HSPA4: variants seen among roughly 807,000 people sequenced by gnomAD.
HSPA4 encodes the protein heat shock protein family A (Hsp70) member 4.
Under a neutral mutation model 106.2 loss-of-function variants are expected in HSPA4, and 25 were observed. That is an observed-to-expected ratio of 0.24 (90% CI 0.17 to 0.33). The LOEUF (loss-of-function observed/expected upper bound fraction) is 0.33. Ranked by LOEUF, HSPA4 falls within the 10% of genes least tolerant of loss-of-function variation. The pLI is 1.00. For missense variants in HSPA4, 841 were observed against 996.0 expected, an observed-to-expected ratio of 0.84 and a Z score of 2.10; for synonymous variants, 332 against 333.6, an observed-to-expected ratio of 1.00 and a Z score of 0.05.
At chr5:133,094,837 A>G (rs1029308779) in intron 13 of HSPA4, among the ~76,000 whole-genome samples, 3 of 152,232 alleles carry the variant, frequency 2.0e-5, no homozygotes, top group Non-Finnish European at 4.4e-5. Flanking sequence ...TTGCTTTATC[A>G]TAGAACAAAT....
chr5:133,072,938 G>A (rs1765403039), intron 4 of HSPA4, among the ~76,000 whole-genome samples: 1 of 152,154 alleles, frequency 6.6e-6, no homozygotes, highest in South Asian at 2.1e-4. Context: ...ATGCAAGCAG[G>A]TGTTTTCTAA....
At chr5:133,091,166 G>A (rs745487266) in intron 11 of HSPA4, 27 bp from the exon 12 acceptor site, 4 of 1,586,986 alleles carry the variant, frequency 2.5e-6, no homozygotes, top group Non-Finnish European at 3.5e-6. Flanking sequence ...TAGGTTATGT[G>A]TTCTTTTGTC....
intron 6 of HSPA4, among the ~76,000 whole-genome samples, chr5:133,075,838 GAAAAA>G (rs889636503): frequency 6.7e-6 from 1 of 148,204 alleles, no homozygotes; most frequent in East Asian, 2.2e-4. Context: ...TCAAAAAAAA[GAAAAA>G]AAAATAAAGA....
rs1432818311 is a variant in HSPA4, at chr5:133,052,039, C to T, written c.-212C>T. ...AGATCTTCTCCGCCCCCGCTACCGGCGCCTCCTCTGCGGCCACTGAGCCGG... is the reference window on the plus strand; with the variant it reads ...AGATCTTCTCCGCCCCCGCTACCGGTGCCTCCTCTGCGGCCACTGAGCCGG... On this transcript the variant is annotated 5_prime_UTR_variant, in exon 1 of 19. Transcript: ENST00000304858. 3.8e-6 allele frequency: 2 copies of T among 530,848 alleles called. No individual in the cohort carries two copies. Among genetic ancestry groups the T allele is most frequent in the Non-Finnish European group, 3.3e-6 (1 of 299,300 alleles). 32.9% of individuals were successfully genotyped at this position (530,848 alleles called of 1,614,324 possible).
chr5:133,103,955 A>T lies in HSPA4; in HGVS notation c.2248A>T (p.Asn750Tyr). ...EAMEWMNNKLNLQNKQSLTMD... is the reference protein window; with the variant it reads ...EAMEWMNNKLYLQNKQSLTMD... Reference sequence around the variant, plus strand: ...AATGGAGTGGATGAATAACAAGCTAAATCTGCAGAACAAGCAGAGTTTGAC... The same window carrying T: ...AATGGAGTGGATGAATAACAAGCTATATCTGCAGAACAAGCAGAGTTTGAC... Residue 750 changes from asparagine (N) to tyrosine (Y), a missense_variant, in exon 18 of 19, where the codon AAT becomes TAT. Coordinates refer to ENST00000304858, the MANE Select transcript of HSPA4 (RefSeq NM_002154.4). 1 of 1,614,086 alleles carries T rather than the reference A, an allele frequency of 6.2e-7. No homozygotes were observed. Among genetic ancestry groups the T allele is most frequent in the Non-Finnish European group, 8.5e-7 (1 of 1,179,960 alleles).
At chr5:133,060,652 G>C (rs867930591) in intron 1 of HSPA4, among the ~76,000 whole-genome samples, 12 of 151,808 alleles carry the variant, frequency 7.9e-5, no homozygotes, top group African/African-American at 2.9e-4. Context: ...CTGAGCCAGC[G>C]CGCCTGGTGC....
At chr5:133,095,647 TTAAA>T (rs1192247796) in intron 13 of HSPA4, among the ~76,000 whole-genome samples, 29 of 152,296 alleles carry the variant, frequency 1.9e-4, no homozygotes, top group African/African-American at 6.7e-4. Flanking sequence ...GTCTATATGT[TTAAA>T]TAAAGGTAGA....
At chr5:133,085,601 A>AAG (rs2126708988) in intron 7 of HSPA4, among the ~76,000 whole-genome samples, 1 of 152,074 alleles carries the variant, frequency 6.6e-6, no homozygotes, top group African/African-American at 2.4e-5. Flanking sequence ...TGGAGGTTGC[A>AAG]GTGAGCTGGG....
chr5:133,085,002 T>C (rs1006839303), intron 7 of HSPA4, among the ~76,000 whole-genome samples: 1 of 151,842 alleles, frequency 6.6e-6, no homozygotes, highest in African/African-American at 2.4e-5. Flanking sequence ...AGAGATGGGG[T>C]TTTGCTGTGT....
At position 133,101,833 on chromosome 5, in the gene HSPA4, A is replaced by G. The variant is rs1394615357; in HGVS notation, c.2112A>G (p.Lys704=). 2 of 1,604,238 alleles carry G rather than the reference A, an allele frequency of 1.2e-6. No homozygotes were observed. The highest frequency in any genetic ancestry group is 1.7e-5 in the Admixed American group (1 of 59,622). ...CAAAATTATTTGAAGAACTAGGGAA[A>G]CAGATCCAACAGTATATGAAAATAA... ...ERPKLFEELG[K]QIQQYMKIIS... The change falls in exon 17 of 19, where the codon AAA becomes AAG. Residue 704 remains lysine (K), a synonymous_variant. Transcript: ENST00000304858.
intron 1 of HSPA4, among the ~76,000 whole-genome samples, chr5:133,064,610 T>C (rs1488025504): frequency 6.6e-6 from 1 of 152,214 alleles, no homozygotes; most frequent in African/African-American, 2.4e-5. Flanking sequence ...ATATTCTTGG[T>C]GAAGTTGTGA....
chr5:133,070,319 A>G, intron 3 of HSPA4, 55 bp from the exon 4 acceptor site: 1 of 1,549,460 alleles, frequency 6.5e-7, no homozygotes, highest in Non-Finnish European at 8.7e-7. Flanking sequence ...TTTTAGGACT[A>G]GGACATGAAG....
intron 1 of HSPA4, among the ~76,000 whole-genome samples, chr5:133,063,289 A>ATT (rs112403169): frequency 1.4e-4 from 21 of 146,996 alleles, no homozygotes; most frequent in Non-Finnish European, 2.3e-4. Context: ...ATTTTTTTGT[A>ATT]TTTTTTTTTT....
At position 133,106,141 on chromosome 5, in the gene HSPA4, GGTGTGTGTGTGT is replaced by G. The variant is rs56373873; in HGVS notation, c.*1715_*1726del. 1 of 53,584 alleles carries G rather than the reference GGTGTGTGTGTGT, an allele frequency of 1.9e-5. No homozygotes were observed. The highest frequency in any genetic ancestry group is 2.8e-4 in the Admixed American group (1 of 3,542). 3.3% of individuals were successfully genotyped at this position (53,584 alleles called of 1,614,324 possible). On this transcript the variant is annotated 3_prime_UTR_variant, in exon 19 of 19. Coordinates refer to ENST00000304858, the MANE Select transcript of HSPA4 (RefSeq NM_002154.4). ...TTTTTTTTTTTTTTTTTTTTTTTTT[GGTGTGTGTGTGT>G]GTGTGTGTGGGGAAGGGTGTGGGTG... is the stretch of plus-strand genomic sequence containing the variant.
intron 4 of HSPA4, among the ~76,000 whole-genome samples, chr5:133,072,643 G>A (rs1765399040): frequency 6.6e-6 from 1 of 151,240 alleles, no homozygotes; most frequent in Non-Finnish European, 1.5e-5. Context: ...GTGACATCAG[G>A]TGATCCACCC....
chr5:133,067,550 G>T lies in HSPA4; in HGVS notation c.299G>T (p.Gly100Val). ...DIVQLPTGLT[G>V]IKVTYMEEER... ...GTGCAGTTGCCTACAGGATTAACAG[G>T]TATAAAGGTAAGGTTGTCAGGTTAA... The change falls in exon 3 of 19, where the codon GGT becomes GTT. Residue 100 changes from glycine (G) to valine (V), a missense_variant. Around this residue, in one of 5 missense-constraint regions of HSPA4, gnomAD observed 347 missense variants for 408.7 expected, o/e 0.85. Transcript: ENST00000304858. The T allele has an allele frequency of 6.2e-7, 1 of 1,611,700 alleles. No homozygotes were observed. The highest frequency in any genetic ancestry group is 1.1e-5 in the South Asian group (1 of 90,370).
In HSPA4 at chr5:133,104,127, T is replaced by C. The variant is rs545892526; in HGVS notation, c.2319+101T>C. 1.2e-3 allele frequency: 1,661 copies of C among 1,417,348 alleles called. 13 individuals carry two copies. Among genetic ancestry groups the C allele is most frequent in the Middle Eastern group, 1.0e-2 (52 of 5,214 alleles). 87.8% of individuals were successfully genotyped at this position (1,417,348 alleles called of 1,614,324 possible). A position where few individuals can be genotyped will look rare whatever the true frequency, so the allele number is the denominator to read the frequency against. Reference sequence around the variant, plus strand: ...GGAACTTTATTATAGTGTTTTAGCTTCTAGGTTGAGGATTGGGTGGTGGGA... The same window carrying C: ...GGAACTTTATTATAGTGTTTTAGCTCCTAGGTTGAGGATTGGGTGGTGGGA... On this transcript the variant is annotated intron_variant, in intron 18 of 18. Coordinates refer to ENST00000304858, the MANE Select transcript of HSPA4 (RefSeq NM_002154.4).
chr5:133,106,104 T>TG lies in HSPA4; in HGVS notation c.*1668_*1669insG. 1 of 22,314 alleles carries TG rather than the reference T, an allele frequency of 4.5e-5. No individual in the cohort carries two copies. Among genetic ancestry groups the TG allele is most frequent in the African/African-American group, 2.2e-4 (1 of 4,580 alleles). The allele number at this position is 22,314 out of a possible 1,614,324, so 1.4% of individuals were successfully genotyped here. On this transcript the variant is annotated 3_prime_UTR_variant, in exon 19 of 19. Coordinates refer to ENST00000304858, the MANE Select transcript of HSPA4 (RefSeq NM_002154.4). ...CATTTCTTCTTAAAAAAAAAAAAATTTTTTTTTTTTTTTTTTTTTTTTTTT... is the reference window on the plus strand; with the variant it reads ...CATTTCTTCTTAAAAAAAAAAAAATTGTTTTTTTTTTTTTTTTTTTTTTTTT...
At chr5:133,052,660 G>A in intron 1 of HSPA4, 1 of 344,372 alleles carries the variant, frequency 2.9e-6, no homozygotes. Flanking sequence ...TGCAGGCCTA[G>A]GATGTAAACG....
Sources: gnomAD v4.1 joint callset for allele counts (sites outside exome capture counted in the v4.1 genomes callset) on GRCh38, gnomAD v4.1.1 for gene constraint, gnomAD v4.1.1 regional missense constraint, MANE v1.5 for transcripts, NCBI Gene and HGNC (gene_info 2026-07-23, HGNC 2026-07-21) for gene names.